The following SLC8A1 variants were observed in gnomAD, a reference collection of about 807,000 sequenced individuals.
SLC8A1 encodes solute carrier family 8 member A1, also known as sodium/calcium exchanger 1.
A neutral mutation model predicts 68.3 loss-of-function variants in SLC8A1; 18 were observed. That is an observed-to-expected ratio of 0.26 (90% confidence interval 0.18 to 0.39). The LOEUF (loss-of-function observed/expected upper bound fraction) is 0.39, where lower values mean the gene tolerates loss of function less well. Among genes scored for constraint, SLC8A1 ranks in the 10% least tolerant of loss-of-function variants. The pLI, the probability that SLC8A1 is intolerant of heterozygous loss-of-function variation, is 1.00. For synonymous variants in SLC8A1, 475 were observed against 415.5 expected, an observed-to-expected ratio of 1.14 and a Z score of -1.74; for missense variants, 985 against 1,156.7, an observed-to-expected ratio of 0.85 and a Z score of 2.15.
chr2:40,294,567 G>A (rs770980625), intron 2 of SLC8A1, among the ~76,000 whole-genome samples: 1 of 152,080 alleles, frequency 6.6e-6, no homozygotes, highest in Non-Finnish European at 1.5e-5. Context: ...GAGAGGGAGA[G>A]AGAGAGGGAT....
chr2:40,347,665 A>G (rs1025983139), intron 2 of SLC8A1, among the ~76,000 whole-genome samples: 6 of 152,234 alleles, frequency 3.9e-5, no homozygotes, highest in African/African-American at 1.4e-4. Flanking sequence ...GCTTTAATCG[A>G]ATGTTATACT....
chr2:40,161,152 T>G (rs1352528599), intron 5 of SLC8A1, among the ~76,000 whole-genome samples: 2 of 152,150 alleles, frequency 1.3e-5, no homozygotes, highest in Admixed American at 1.3e-4. Flanking sequence ...AGCCCATCCA[T>G]CCCCCTGAAT....
intron 2 of SLC8A1, among the ~76,000 whole-genome samples, chr2:40,386,379 G>A (rs1683549013): frequency 6.6e-6 from 1 of 150,902 alleles, no homozygotes; most frequent in Non-Finnish European, 1.5e-5. Context: ...CCTTTCCTTG[G>A]CTCAAACCTG....
In SLC8A1 at chr2:40,404,401, C is replaced by T. The variant is rs371255869; in HGVS notation, c.1808+24072G>A. The stretch of plus-strand genomic sequence containing the variant: ...TGTAATGCAACAATTTTGCTGATGC[C>T]TTCAGTAATTATGACAATACATTTT... On this transcript the variant is annotated intron_variant, in intron 2 of 7. Transcript: ENST00000406785. Among the ~76,000 whole-genome samples, 32 of 152,212 alleles carry T rather than the reference C, an allele frequency of 2.1e-4. 1 individual carries two copies. In the East Asian group the frequency reaches 2.3e-3, roughly 11 times the overall value.
At position 40,255,524 on chromosome 2, in the gene SLC8A1, G is replaced by T. The variant is rs551532338; in HGVS notation, c.1809-77669C>A. 1.4e-4 allele frequency among the ~76,000 whole-genome samples: 22 copies of T among 152,340 alleles called. No individual in the cohort carries two copies. The South Asian group carries it at 4.3e-3, about 30-fold the overall frequency. The stretch of plus-strand genomic sequence containing the variant: ...GTAGGGAGAAAGTGTTCTGGACTAA[G>T]TGTCAGGAAACCTCAGTGCTTCAGG... On this transcript the variant is annotated intron_variant, in intron 2 of 7. Transcript: ENST00000406785.
intron 2 of SLC8A1, among the ~76,000 whole-genome samples, chr2:40,236,450 T>C (rs1026968735): frequency 6.6e-6 from 1 of 152,238 alleles, no homozygotes; most frequent in African/African-American, 2.4e-5. Flanking sequence ...TTCCATTTGT[T>C]TGGCAGATCT....
rs528632497 is a variant in SLC8A1, at chr2:40,151,493, T to G, written c.2161+9272A>C. 1.4e-4 allele frequency among the ~76,000 whole-genome samples: 21 copies of G among 152,284 alleles called. No homozygotes were observed. In the South Asian group the frequency reaches 3.9e-3, roughly 29 times the overall value. ...GCGATGAACAGGGCAGATTTGCGGT[T>G]GTTGTTGTTTTTTTTTATTTAGATT... is the stretch of plus-strand genomic sequence containing the variant. On this transcript the variant is annotated intron_variant, in intron 6 of 7. Coordinates refer to ENST00000406785, the Ensembl canonical transcript of SLC8A1.
At chr2:40,475,530 A>C in intron 1 of SLC8A1, among the ~76,000 whole-genome samples, 1 of 152,270 alleles carries the variant, frequency 6.6e-6, no homozygotes, top group East Asian at 1.9e-4. Context: ...TTTATTAAAT[A>C]TTTAGTTTTT....
intron 2 of SLC8A1, among the ~76,000 whole-genome samples, chr2:40,399,296 GGCCTCCTCTACCCCTC>G (rs1687949735): frequency 6.6e-6 from 1 of 150,748 alleles, no homozygotes; most frequent in Non-Finnish European, 1.5e-5. Context: ...GTTTTGTGAG[GGCCTCCTCTACCCCTC>G]GTCTCCCCTA....
intron 2 of SLC8A1, among the ~76,000 whole-genome samples, chr2:40,313,768 C>T (rs2074061906): frequency 6.6e-6 from 1 of 152,052 alleles, no homozygotes; most frequent in East Asian, 1.9e-4. Flanking sequence ...GGTTAATTTA[C>T]ATTTCCCTAG....
At chr2:40,196,024 C>G (rs952285085) in intron 2 of SLC8A1, 1 of 147,208 alleles carries the variant, frequency 6.8e-6, no homozygotes, top group Non-Finnish European at 1.5e-5. Flanking sequence ...GTCCTTGAAG[C>G]TTAGGGTAGG....
chr2:40,361,743 G>A (rs1022561803), intron 2 of SLC8A1, among the ~76,000 whole-genome samples: 1 of 151,908 alleles, frequency 6.6e-6, no homozygotes, highest in Non-Finnish European at 1.5e-5. Context: ...GTGGCCACAC[G>A]TATCGGGTAG....
chr2:40,424,469 TTTTCC>T (rs1268127125), intron 2 of SLC8A1, among the ~76,000 whole-genome samples: 1 of 151,862 alleles, frequency 6.6e-6, no homozygotes, highest in Non-Finnish European at 1.5e-5. Flanking sequence ...CTGAAATTTT[TTTTCC>T]TTTCTAGTCT....
At chr2:40,452,249 G>C (rs1249686837), upstream of SLC8A1, among the ~76,000 whole-genome samples, 4 of 150,648 alleles carry the variant, frequency 2.7e-5, no homozygotes, top group East Asian at 3.9e-4. Context: ...TCGGCCCCGC[G>C]GCTGCCGGGC....
At chr2:40,383,782 CT>C (rs2149565031) in intron 2 of SLC8A1, among the ~76,000 whole-genome samples, 1 of 152,190 alleles carries the variant, frequency 6.6e-6, no homozygotes, top group African/African-American at 2.4e-5. Context: ...AAGTCACAGA[CT>C]GTGGTATATG....
chr2:40,408,135 T>C (rs896720071), intron 2 of SLC8A1, among the ~76,000 whole-genome samples: 23 of 152,202 alleles, frequency 1.5e-4, no homozygotes, highest in African/African-American at 4.6e-4. Context: ...TCTAGTTTCT[T>C]TTCTACCCTT....
chr2:40,168,133 T>C (rs538901178), intron 4 of SLC8A1, among the ~76,000 whole-genome samples: 2 of 152,218 alleles, frequency 1.3e-5, no homozygotes, highest in East Asian at 3.9e-4. Flanking sequence ...CAGGAACTTA[T>C]GATGTAATGG....
At chr2:40,162,244 C>T (rs551962225) in intron 5 of SLC8A1, among the ~76,000 whole-genome samples, 23 of 152,288 alleles carry the variant, frequency 1.5e-4, no homozygotes, top group East Asian at 1.4e-3. Context: ...AGCACTTGAC[C>T]AGCATCCATC....
intron 1 of SLC8A1, among the ~76,000 whole-genome samples, chr2:40,463,825 T>TAC (rs1364700620): frequency 2.8e-5 from 3 of 108,346 alleles, no homozygotes; most frequent in East Asian, 3.3e-4. Flanking sequence ...GATATATACA[T>TAC]ACACACACAC....
Sources: allele counts gnomAD v4.1 joint callset (sites outside exome capture counted in the v4.1 genomes callset), GRCh38; gene constraint gnomAD v4.1.1; transcripts MANE v1.5; gene names NCBI Gene and HGNC (gene_info 2026-07-23, HGNC 2026-07-21).